MGST1: variants seen among roughly 807,000 people sequenced by gnomAD.
MGST1 encodes glutathione S-transferase 12.
A neutral mutation model predicts 8.9 loss-of-function variants in MGST1; 5 were observed. That is an observed-to-expected ratio of 0.56 (90% CI 0.29 to 1.19). MGST1 has a LOEUF of 1.19. Ranked by LOEUF, MGST1 falls within the 50% of genes most tolerant of loss-of-function variation. The probability of loss-of-function intolerance (pLI) is 0.08; values close to 1 mark genes in which losing one functional copy is unlikely to be tolerated. For missense variants in MGST1, 182 were observed against 187.4 expected, an observed-to-expected ratio of 0.97 and a Z score of 0.17; for synonymous variants, 54 against 67.8, an observed-to-expected ratio of 0.80 and a Z score of 1.00.
At chr12:16,391,041 G>A (rs571909741) in intron 1 of MGST1, among the ~76,000 whole-genome samples, 3 of 151,904 alleles carry the variant, frequency 2.0e-5, no homozygotes, top group South Asian at 2.1e-4. Flanking sequence ...GTTTTGATTT[G>A]CATTTCTCTA....
chr12:16,360,105 C>T (rs1356718988), intron 3 of MGST1, among the ~76,000 whole-genome samples: 2 of 152,150 alleles, frequency 1.3e-5, no homozygotes, highest in Non-Finnish European at 2.9e-5. Context: ...CTGGCTTTTC[C>T]GCATACTGAG....
chr12:16,435,669 T>C (rs1030626761), intron 1 of MGST1, among the ~76,000 whole-genome samples: 2 of 151,968 alleles, frequency 1.3e-5, no homozygotes, highest in Non-Finnish European at 2.9e-5. Flanking sequence ...ACAAGATGTG[T>C]AATCAAATCA....
downstream of MGST1, among the ~76,000 whole-genome samples, chr12:16,369,080 C>A (rs1940243784): frequency 1.3e-5 from 2 of 151,918 alleles, no homozygotes; most frequent in Non-Finnish European, 2.9e-5. The surrounding 1 kb of genome is among the most constrained non-coding windows in gnomAD (Gnocchi z 4.8). Context: ...TTTATAGAAG[C>A]AAAACCACCC....
At chr12:16,464,037 A>G (rs1489055599) in intron 4 of MGST1, among the ~76,000 whole-genome samples, 1 of 152,218 alleles carries the variant, frequency 6.6e-6, no homozygotes, top group Non-Finnish European at 1.5e-5. Flanking sequence ...TGGCAGTTTC[A>G]TTACTCGTTG....
chr12:16,460,685 G>A (rs1941212206), intron 4 of MGST1, among the ~76,000 whole-genome samples: 1 of 149,262 alleles, frequency 6.7e-6, no homozygotes, highest in South Asian at 2.1e-4. Flanking sequence ...CATTCTCTAC[G>A]CTCCATCATC....
chr12:16,497,098 A>G lies in MGST1; in HGVS notation n.483-92430A>G, dbSNP rs1413024643. Among the ~76,000 whole-genome samples, 1 of 152,174 alleles carries G rather than the reference A, an allele frequency of 6.6e-6. No individual in the cohort carries two copies. Among genetic ancestry groups the G allele is most frequent in the African/African-American group, 2.4e-5 (1 of 41,462 alleles). ...TTCTTAGAAGAGAAAGAAATATTTA[A>G]TCCTATGCCAGAAGGGAAAAGATGA... On this transcript the variant is annotated intron_variant and non_coding_transcript_variant, in intron 4 of 4. Transcript: ENST00000538857. This position sits in a 1 kb window ranked among gnomAD's most constrained non-coding sequence, Gnocchi z 4.4.
Position 16,504,991 on chromosome 12 carries a change from C to T in MGST1, n.483-84537C>T, listed in dbSNP as rs772488987. ...TAATGGCTTCTTTTCAGGCCTACAT[C>T]GTATGGATTTCTCTGAAGTCTTAAC... On this transcript the variant is annotated intron_variant and non_coding_transcript_variant, in intron 4 of 4. Coordinates refer to the MGST1 transcript ENST00000538857. 1.1e-4 allele frequency among the ~76,000 whole-genome samples: 17 copies of T among 152,138 alleles called. 1 individual carries two copies. Among genetic ancestry groups the T allele is most frequent in the Non-Finnish European group, 2.5e-4 (17 of 68,022 alleles).
At chr12:16,357,557 C>G (rs200414213) in intron 2 of MGST1, 48 bp from the exon 3 acceptor site, 1 of 1,442,090 alleles carries the variant, frequency 6.9e-7, no homozygotes, top group African/African-American at 1.4e-5. Context: ...TGAGCTATTG[C>G]TCCTGGCCAG....
At chr12:16,426,108 A>G (rs903027283) in intron 1 of MGST1, among the ~76,000 whole-genome samples, 7 of 152,144 alleles carry the variant, frequency 4.6e-5, no homozygotes, top group African/African-American at 1.4e-4. Context: ...GGGATATCGG[A>G]TCACTTTATA....
intron 1 of MGST1, among the ~76,000 whole-genome samples, chr12:16,414,816 A>G (rs938761751): frequency 6.6e-6 from 1 of 152,134 alleles, no homozygotes; most frequent in Admixed American, 6.5e-5. Flanking sequence ...TGAGGTCAGG[A>G]GTTTGAGACC....
chr12:16,545,272 A>G (rs923078758), intron 4 of MGST1, among the ~76,000 whole-genome samples: 8 of 152,054 alleles, frequency 5.3e-5, no homozygotes, highest in Admixed American at 1.3e-4. Context: ...AATTGTATTT[A>G]TTAGGGTTGT....
At chr12:16,505,563 C>A (rs886806230) in intron 4 of MGST1, among the ~76,000 whole-genome samples, 3 of 152,302 alleles carry the variant, frequency 2.0e-5, no homozygotes, top group Middle Eastern at 3.4e-3. Context: ...CCGAGATATA[C>A]CAATACGGCA....
At chr12:16,507,666 G>T (rs996199567) in intron 4 of MGST1, among the ~76,000 whole-genome samples, 2 of 152,168 alleles carry the variant, frequency 1.3e-5, no homozygotes, top group African/African-American at 4.8e-5. Flanking sequence ...GGCAGAAGGT[G>T]AAGGGAGGGC....
chr12:16,558,815 T>A (rs1396743214), intron 4 of MGST1, among the ~76,000 whole-genome samples: 1 of 152,186 alleles, frequency 6.6e-6, no homozygotes, highest in Non-Finnish European at 1.5e-5. Context: ...ATTATAAAGA[T>A]AACTAACTTT....
At chr12:16,563,590 T>C (rs938607972) in intron 4 of MGST1, among the ~76,000 whole-genome samples, 1 of 152,164 alleles carries the variant, frequency 6.6e-6, no homozygotes, top group Non-Finnish European at 1.5e-5. Flanking sequence ...TCTTGTAACC[T>C]CTTCCTCTGC....
chr12:16,571,219 G>C (rs566145108), intron 4 of MGST1, among the ~76,000 whole-genome samples: 1 of 152,124 alleles, frequency 6.6e-6, no homozygotes, highest in East Asian at 1.9e-4. Context: ...GATGCAAAAA[G>C]TGTTATCACA....
chr12:16,491,296 G>A (rs1374007202), intron 4 of MGST1, among the ~76,000 whole-genome samples: 2 of 152,108 alleles, frequency 1.3e-5, no homozygotes, highest in African/African-American at 4.8e-5. Context: ...TTATTGACTG[G>A]GAGCTGGAAA....
chr12:16,541,258 C>T (rs921171548), intron 4 of MGST1, among the ~76,000 whole-genome samples: 17 of 151,628 alleles, frequency 1.1e-4, no homozygotes, highest in Admixed American at 1.1e-3. Context: ...TTTTTCCCTG[C>T]AAACAGAGGA....
At chr12:16,496,376 A>G (rs1289292808) in intron 4 of MGST1, among the ~76,000 whole-genome samples, 1 of 152,146 alleles carries the variant, frequency 6.6e-6, no homozygotes, top group African/African-American at 2.4e-5. Flanking sequence ...GTGAATCTTT[A>G]AAATATAACG....
Sources: gnomAD v4.1 joint callset for allele counts (sites outside exome capture counted in the v4.1 genomes callset) on GRCh38, gnomAD v4.1.1 for gene constraint, Gnocchi (gnomAD v3.1) non-coding constraint, MANE v1.5 for transcripts, NCBI Gene and HGNC (gene_info 2026-07-23, HGNC 2026-07-21) for gene names.